The following PHKB variants were observed in gnomAD, a reference collection of about 807,000 sequenced individuals.
PHKB encodes phosphorylase kinase regulatory subunit beta.
In PHKB, 122 loss-of-function variants were observed where a neutral mutation model predicts 152.1. The observed-to-expected ratio is 0.80, with a 90% confidence interval of 0.69 to 0.93. The LOEUF (loss-of-function observed/expected upper bound fraction) is 0.93, where lower values mean the gene tolerates loss of function less well. Ranked by LOEUF, PHKB falls within the 40% of genes least tolerant of loss-of-function variation. The probability of loss-of-function intolerance (pLI) is 0.00; values close to 1 mark genes in which losing one functional copy is unlikely to be tolerated. For missense variants in PHKB, 1,304 were observed against 1,328.4 expected, an observed-to-expected ratio of 0.98 and a Z score of 0.29; for synonymous variants, 436 against 464.9, an observed-to-expected ratio of 0.94 and a Z score of 0.80.
At chr16:47,683,317 G>T (rs951610354) in intron 26 of PHKB, among the ~76,000 whole-genome samples, 14 of 152,260 alleles carry the variant, frequency 9.2e-5, no homozygotes, top group African/African-American at 3.4e-4. Context: ...TAAGTCTGCA[G>T]AGGTTACTGC....
chr16:47,546,064 T>C (rs1238694456), intron 6 of PHKB, among the ~76,000 whole-genome samples: 1 of 152,212 alleles, frequency 6.6e-6, no homozygotes, highest in Admixed American at 6.5e-5. Flanking sequence ...ATAATTTTGT[T>C]ATTACCAACT....
intron 1 of PHKB, among the ~76,000 whole-genome samples, chr16:47,479,771 A>G (rs1437452792): frequency 6.6e-6 from 1 of 152,208 alleles, no homozygotes; most frequent in Non-Finnish European, 1.5e-5. Context: ...CTTTGAATAA[A>G]TATGTCATTA....
Position 47,585,340 on chromosome 16 carries a change from C to T in PHKB, c.775-2328C>T, listed in dbSNP as rs116243299. ...GAAATCAAGATACTGACAAATGAGC[C>T]GAGACCAGAATCTAAAAGGTAATGA... On this transcript the variant is annotated intron_variant, in intron 8 of 30. Coordinates refer to ENST00000323584, the MANE Select transcript of PHKB (RefSeq NM_000293.3). 8.6e-3 allele frequency among the ~76,000 whole-genome samples: 1,307 copies of T among 152,194 alleles called. 19 individuals carry two copies. Among genetic ancestry groups the T allele is most frequent in the African/African-American group, 0.029 (1,223 of 41,510 alleles).
At chr16:47,679,010 C>T (rs1455292551) in intron 26 of PHKB, among the ~76,000 whole-genome samples, 1 of 152,170 alleles carries the variant, frequency 6.6e-6, no homozygotes. Context: ...TTTCCCAGCA[C>T]CATTTATTAA....
intron 1 of PHKB, among the ~76,000 whole-genome samples, chr16:47,474,001 G>C (rs1969825850): frequency 6.6e-6 from 1 of 152,054 alleles, no homozygotes; most frequent in Non-Finnish European, 1.5e-5. Flanking sequence ...GTACCCTTTG[G>C]TCAACATTCG....
At chr16:47,552,124 A>G (rs1971282682) in intron 7 of PHKB, among the ~76,000 whole-genome samples, 1 of 151,964 alleles carries the variant, frequency 6.6e-6, no homozygotes, top group Non-Finnish European at 1.5e-5. Context: ...CATGAGATGG[A>G]TCTCCTGAAT....
intron 6 of PHKB, among the ~76,000 whole-genome samples, chr16:47,534,087 G>A (rs1194887596): frequency 6.6e-6 from 1 of 152,222 alleles, no homozygotes; most frequent in Non-Finnish European, 1.5e-5. Flanking sequence ...ACCCAAGCTC[G>A]GAAGGGGTGG....
intron 5 of PHKB, 45 bp downstream of exon 5, chr16:47,511,817 T>C (rs919350971): frequency 1.6e-6 from 2 of 1,250,264 alleles, no homozygotes; most frequent in Non-Finnish European, 2.4e-6. Context: ...TTATATAGCA[T>C]AGAACAGTGA....
intron 1 of PHKB, among the ~76,000 whole-genome samples, chr16:47,470,699 C>T (rs1969750819): frequency 6.6e-6 from 1 of 152,220 alleles, no homozygotes; most frequent in Admixed American, 6.5e-5. Flanking sequence ...CTGCTGCCTT[C>T]CTTCTCTTCA....
chr16:47,511,829 C>T, intron 5 of PHKB, 57 bp downstream of exon 5: 1 of 1,169,378 alleles, frequency 8.6e-7, no homozygotes, highest in Non-Finnish European at 1.3e-6. Context: ...GAACAGTGAT[C>T]CCCAACCTTT....
chr16:47,513,281 G>T (rs1970540690), intron 5 of PHKB, among the ~76,000 whole-genome samples: 1 of 152,164 alleles, frequency 6.6e-6, no homozygotes, highest in African/African-American at 2.4e-5. Context: ...GTAAAAGGCT[G>T]CCCATAGGAG....
intron 25 of PHKB, among the ~76,000 whole-genome samples, chr16:47,666,650 C>T (rs1211002841): frequency 6.6e-6 from 1 of 152,244 alleles, no homozygotes; most frequent in Non-Finnish European, 1.5e-5. Flanking sequence ...ATGTGTGTCT[C>T]TCACCTCATG....
intron 6 of PHKB, among the ~76,000 whole-genome samples, chr16:47,518,751 A>G (rs1970638310): frequency 1.3e-5 from 2 of 152,020 alleles, no homozygotes; most frequent in African/African-American, 2.4e-5. Context: ...CTAGAGAGAA[A>G]CTCATCATAT....
intron 2 of PHKB, 77 bp downstream of exon 2, chr16:47,497,565 A>G (rs1970254014): frequency 2.4e-6 from 2 of 843,394 alleles, no homozygotes; most frequent in African/African-American, 1.7e-5. Flanking sequence ...AATTATGTAC[A>G]TTATGTGGAT....
chr16:47,596,769 G>A (rs759968701), intron 13 of PHKB, among the ~76,000 whole-genome samples: 15 of 152,050 alleles, frequency 9.9e-5, no homozygotes, highest in Non-Finnish European at 1.2e-4. Context: ...CATTTAGGGG[G>A]CTGCATTTGG....
chr16:47,471,511 A>G (rs189448290), intron 1 of PHKB, among the ~76,000 whole-genome samples: 2 of 152,278 alleles, frequency 1.3e-5, no homozygotes, highest in Admixed American at 6.5e-5. Flanking sequence ...ATATAGCTCT[A>G]TGTTTAACAC....
Position 47,658,149 on chromosome 16 carries a change from C to G in PHKB, c.1972-2357C>G, listed in dbSNP as rs543361186. ...CTCTGATTTCATCTCCTACCAGCTG[C>G]CCCATCTACTCTGTTTCAACCACAC... On this transcript the variant is annotated intron_variant, in intron 20 of 30. Coordinates refer to ENST00000323584, the MANE Select transcript of PHKB (RefSeq NM_000293.3). Among the ~76,000 whole-genome samples the G allele has an allele frequency of 2.0e-4, 31 of 152,238 alleles. No homozygotes were observed. In the East Asian group the frequency reaches 5.8e-3, roughly 28 times the overall value.
At chr16:47,479,849 A>G (rs1969933792) in intron 1 of PHKB, among the ~76,000 whole-genome samples, 1 of 152,136 alleles carries the variant, frequency 6.6e-6, no homozygotes, top group Non-Finnish European at 1.5e-5. Context: ...CTGTTTTTGC[A>G]GCTTCCTTTC....
chr16:47,628,471 G>A (rs1243315456), intron 14 of PHKB, among the ~76,000 whole-genome samples: 1 of 152,160 alleles, frequency 6.6e-6, no homozygotes, highest in Non-Finnish European at 1.5e-5. Context: ...GGCAGAGCTT[G>A]CAATGAGCCT....
Sources: allele counts gnomAD v4.1 joint callset (sites outside exome capture counted in the v4.1 genomes callset), GRCh38; gene constraint gnomAD v4.1.1; transcripts MANE v1.5; gene names NCBI Gene and HGNC (gene_info 2026-07-23, HGNC 2026-07-21).